The following CRCP variants were observed in gnomAD, a reference collection of about 807,000 sequenced individuals.
The protein encoded by CRCP is DNA-directed RNA polymerase III subunit RPC9.
Under a neutral mutation model 18.5 loss-of-function variants are expected in CRCP, and 18 were observed. That is an observed-to-expected ratio of 0.97 (90% CI 0.67 to 1.44). The LOEUF (loss-of-function observed/expected upper bound fraction) is 1.44, where lower values mean the gene tolerates loss of function less well. Among genes scored for constraint, CRCP ranks in the 40% most tolerant of loss-of-function variants. CRCP has a pLI of 0.00. For missense variants in CRCP, 130 were observed against 176.4 expected, an observed-to-expected ratio of 0.74 and a Z score of 1.49; for synonymous variants, 53 against 62.9, an observed-to-expected ratio of 0.84 and a Z score of 0.75.
At chr7:66,134,232 GTTCT>G (rs751332303) in intron 3 of CRCP, 44 bp from the exon 4 acceptor site, 18 of 1,356,958 alleles carry the variant, frequency 1.3e-5, no homozygotes, top group East Asian at 2.3e-5. Flanking sequence ...CTCATTCAGG[GTTCT>G]TTGTCTTATG....
chr7:66,118,780 C>T (rs1374625396), intron 1 of CRCP, among the ~76,000 whole-genome samples: 6 of 152,172 alleles, frequency 3.9e-5, no homozygotes, highest in Non-Finnish European at 7.3e-5. Flanking sequence ...TTTATTACTT[C>T]CTAAATGACT....
At chr7:66,131,854 C>T (rs1787816390) in intron 3 of CRCP, among the ~76,000 whole-genome samples, 1 of 151,808 alleles carries the variant, frequency 6.6e-6, no homozygotes, top group African/African-American at 2.4e-5. Context: ...CTCTGGCTCC[C>T]GGGTTCAAGC....
intron 5 of CRCP, among the ~76,000 whole-genome samples, chr7:66,146,265 G>C (rs1453563807): frequency 6.6e-6 from 1 of 152,064 alleles, no homozygotes; most frequent in Non-Finnish European, 1.5e-5. Context: ...TGAGAGCGTA[G>C]GCTTTGGAAT....
chr7:66,125,782 C>T (rs888329191), intron 1 of CRCP, among the ~76,000 whole-genome samples: 8 of 149,248 alleles, frequency 5.4e-5, no homozygotes, highest in African/African-American at 1.9e-4. Context: ...TAACAGTGCA[C>T]CTGCGATGGA....
At chr7:66,116,885 C>A (rs988490883) in intron 1 of CRCP, among the ~76,000 whole-genome samples, 4 of 152,108 alleles carry the variant, frequency 2.6e-5, no homozygotes, top group African/African-American at 9.7e-5. Context: ...CTTTAGGAGG[C>A]CGAAGTGGGC....
At chr7:66,130,710 T>C (rs200975994) in intron 2 of CRCP, 34 bp from the exon 3 acceptor site, 2 of 1,301,838 alleles carry the variant, frequency 1.5e-6, no homozygotes, top group African/African-American at 2.9e-5. Flanking sequence ...TTCTCAAATT[T>C]ATTCATAAAC....
intron 1 of CRCP, among the ~76,000 whole-genome samples, chr7:66,116,479 G>GCT (rs1012267641): frequency 2.5e-5 from 3 of 121,334 alleles, no homozygotes; most frequent in Non-Finnish European, 5.0e-5. Context: ...ACAGTGTAAG[G>GCT]CTCTGTCTTA....
chr7:66,129,838 C>G (rs549243475), intron 2 of CRCP, among the ~76,000 whole-genome samples: 3 of 152,060 alleles, frequency 2.0e-5, no homozygotes, highest in Admixed American at 1.3e-4. Context: ...CGTATTGTAT[C>G]TGGTGATGGT....
intron 5 of CRCP, 59 bp downstream of exon 5, chr7:66,145,559 G>A (rs2116028718): frequency 1.3e-6 from 2 of 1,573,196 alleles, no homozygotes; most frequent in Non-Finnish European, 1.7e-6. Context: ...TAGAATGGCT[G>A]TGGTGGACAA....
intron 1 of CRCP, chr7:66,120,742 C>T (rs1218364995): frequency 6.6e-6 from 1 of 152,138 alleles, no homozygotes; most frequent in Admixed American, 6.6e-5. Context: ...TGCAACCAAA[C>T]ACAGAGAATG....
intron 1 of CRCP, among the ~76,000 whole-genome samples, chr7:66,127,411 C>G (rs1039054865): frequency 2.0e-5 from 3 of 152,180 alleles, no homozygotes; most frequent in Non-Finnish European, 4.4e-5. Context: ...TCTGTTGATT[C>G]AGCAGGAGGA....
intron 2 of CRCP, among the ~76,000 whole-genome samples, chr7:66,129,086 T>C (rs13247979): frequency 2.0e-5 from 3 of 151,854 alleles, no homozygotes; most frequent in South Asian, 2.1e-4. Context: ...GTAATCCCAG[T>C]ACTTTGGGAG....
intron 5 of CRCP, among the ~76,000 whole-genome samples, chr7:66,151,676 T>TGTGC (rs1788472292): frequency 1.2e-4 from 1 of 8,380 alleles, no homozygotes. Flanking sequence ...CTTCTCTCTG[T>TGTGC]GTGTGTGTGT....
chr7:66,129,907 A>G (rs779972602), intron 2 of CRCP, among the ~76,000 whole-genome samples: 16 of 152,142 alleles, frequency 1.1e-4, no homozygotes, highest in Admixed American at 3.9e-4. Flanking sequence ...GAATGAGACT[A>G]AGATTCCCCC....
At chr7:66,122,051 C>T (rs1250572753) in intron 1 of CRCP, among the ~76,000 whole-genome samples, 1 of 152,128 alleles carries the variant, frequency 6.6e-6, no homozygotes, top group Non-Finnish European at 1.5e-5. Flanking sequence ...TTCGTCATTG[C>T]CTGTGTAAGA....
chr7:66,137,784 G>A (rs1788013427), intron 4 of CRCP, among the ~76,000 whole-genome samples: 1 of 152,108 alleles, frequency 6.6e-6, no homozygotes, highest in Admixed American at 6.6e-5. Flanking sequence ...ATGCATGCCT[G>A]ACCATTTATA....
rs1788265435 is a variant in CRCP, at chr7:66,145,439, A to C, written c.240-4A>C. 6.2e-7 allele frequency: 1 copy of C among 1,613,628 alleles called. No homozygotes were observed. The highest frequency in any genetic ancestry group is 1.3e-5 in the African/African-American group (1 of 74,890). ...GTTGTCAACGCTGTACTTTCCCTCC[A>C]CAGAGCTGAGAAGCTCCAGCTGCTG... On this transcript the variant is annotated splice_region_variant and splice_polypyrimidine_tract_variant and intron_variant, in intron 4 of 5. Coordinates refer to ENST00000395326, the MANE Select transcript of CRCP (RefSeq NM_014478.5).
intron 2 of CRCP, chr7:66,128,614 ACCCCATCCC>A (rs1296895900): frequency 6.6e-6 from 1 of 152,104 alleles, no homozygotes; most frequent in Non-Finnish European, 1.5e-5. Context: ...ACATGGTGAA[ACCCCATCCC>A]TACTTAAAAA....
chr7:66,115,539 G>C (rs1787234181), intron 1 of CRCP, among the ~76,000 whole-genome samples: 1 of 152,178 alleles, frequency 6.6e-6, no homozygotes, highest in Admixed American at 6.6e-5. Flanking sequence ...ACAGCAGGGG[G>C]TGTGTGGGTG....
Sources: gnomAD v4.1 joint callset for allele counts (sites outside exome capture counted in the v4.1 genomes callset) on GRCh38, gnomAD v4.1.1 for gene constraint, MANE v1.5 for transcripts, NCBI Gene and HGNC (gene_info 2026-07-23, HGNC 2026-07-21) for gene names.